The following MRPS28 variants were observed in gnomAD, a reference collection of about 807,000 sequenced individuals.
The protein encoded by MRPS28 is small ribosomal subunit protein bS1m.
In MRPS28, 7 loss-of-function variants were observed where a neutral mutation model predicts 10.8. The ratio of observed to expected loss-of-function variants is 0.65; its 90% CI spans 0.37 to 1.22. The LOEUF is 1.22. Ranked by LOEUF, MRPS28 falls within the 50% of genes most tolerant of loss-of-function variation. The pLI, the probability that MRPS28 is intolerant of heterozygous loss-of-function variation, is 0.02. For synonymous variants in MRPS28, 121 were observed against 93.3 expected (o/e 1.30, Z -1.71); for missense variants, 265 against 232.9 (o/e 1.14, Z -0.90).
At position 80,014,830 on chromosome 8, in the gene MRPS28, C is replaced by T. The variant is rs189587916; in HGVS notation, c.214-11650G>A. ...GATTTCCCCCCTGCCACCCCCACTCCAGGGGACATTTGGCAATGTCTGGAG... is the reference window on the plus strand; with the variant it reads ...GATTTCCCCCCTGCCACCCCCACTCTAGGGGACATTTGGCAATGTCTGGAG... On this transcript the variant is annotated intron_variant, in intron 1 of 2. Transcript: ENST00000276585. Among the ~76,000 whole-genome samples, 15 of 152,188 alleles carry T rather than the reference C, an allele frequency of 9.9e-5. No individual in the cohort carries two copies. The East Asian group carries it at 2.9e-3, about 29-fold the overall frequency.
intron 2 of MRPS28, among the ~76,000 whole-genome samples, chr8:79,919,521 G>T (rs1241319604): frequency 1.3e-5 from 2 of 152,068 alleles, no homozygotes; most frequent in African/African-American, 2.4e-5. Context: ...CAGAGTCAGG[G>T]TCTCTCTATG....
intron 2 of MRPS28, among the ~76,000 whole-genome samples, chr8:79,939,529 T>C (rs1425346629): frequency 1.3e-5 from 2 of 152,182 alleles, no homozygotes; most frequent in African/African-American, 2.4e-5. Context: ...AATACAGAAA[T>C]TTCTTTTAAA....
At chr8:80,016,424 A>T (rs1488666287) in intron 1 of MRPS28, among the ~76,000 whole-genome samples, 1 of 152,080 alleles carries the variant, frequency 6.6e-6, no homozygotes, top group Non-Finnish European at 1.5e-5. Flanking sequence ...AAAAAAAAAA[A>T]ATACTAACCT....
At chr8:79,987,498 A>C (rs1216708658) in intron 2 of MRPS28, among the ~76,000 whole-genome samples, 1 of 152,136 alleles carries the variant, frequency 6.6e-6, no homozygotes, top group African/African-American at 2.4e-5. Context: ...CAACCTACAG[A>C]ATGGGAGAAA....
chr8:79,976,176 C>T (rs892737959), intron 2 of MRPS28, among the ~76,000 whole-genome samples: 45 of 151,902 alleles, frequency 3.0e-4, no homozygotes, highest in African/African-American at 9.9e-4. Context: ...CTCTGCCTCC[C>T]GGGTTCAAGC....
chr8:79,971,039 G>C (rs1807618851), intron 2 of MRPS28, among the ~76,000 whole-genome samples: 1 of 152,210 alleles, frequency 6.6e-6, no homozygotes, highest in Admixed American at 6.5e-5. Flanking sequence ...CGAGAAGGGA[G>C]AGGAGGACAG....
chr8:79,979,174 G>T (rs907924311), intron 2 of MRPS28, among the ~76,000 whole-genome samples: 25 of 152,086 alleles, frequency 1.6e-4, no homozygotes, highest in Non-Finnish European at 2.9e-4. Flanking sequence ...TTATAATACG[G>T]GAGCCTTTAT....
chr8:79,922,288 A>G (rs1810115427), intron 2 of MRPS28, among the ~76,000 whole-genome samples: 1 of 152,154 alleles, frequency 6.6e-6, no homozygotes, highest in Non-Finnish European at 1.5e-5. Context: ...AAATCTAAAA[A>G]AGTTGAACAC....
At chr8:79,988,276 G>A (rs999220781) in intron 2 of MRPS28, among the ~76,000 whole-genome samples, 2 of 108,084 alleles carry the variant, frequency 1.9e-5, no homozygotes, top group African/African-American at 7.0e-5. Flanking sequence ...CTATCGTGGG[G>A]TGGGGGGAGG....
rs1395396165 is a variant in MRPS28 at position 79,929,459 on chromosome 8, CTG to C, written c.396-10313_396-10312del. Reference sequence around the variant, plus strand: ...TCAAGAAGAGGACGCTGAAAGAATACTGTATTATGTTGAATGAGGAATTGAAG... The same window carrying C: ...TCAAGAAGAGGACGCTGAAAGAATACTATTATGTTGAATGAGGAATTGAAG... On this transcript the variant is annotated intron_variant, in intron 2 of 2. Transcript: ENST00000276585. Among the ~76,000 whole-genome samples the C allele has an allele frequency of 1.4e-4, 21 of 152,070 alleles. No individual in the cohort carries two copies. The South Asian group carries it at 3.5e-3, about 26-fold the overall frequency.
At chr8:79,923,438 T>C (rs1810145870) in intron 2 of MRPS28, among the ~76,000 whole-genome samples, 1 of 152,198 alleles carries the variant, frequency 6.6e-6, no homozygotes, top group Non-Finnish European at 1.5e-5. Flanking sequence ...TTGCTGCTAT[T>C]CAACTCATTA....
intron 2 of MRPS28, among the ~76,000 whole-genome samples, chr8:79,929,425 C>A (rs763323399): frequency 5.9e-5 from 9 of 152,022 alleles, no homozygotes; most frequent in Non-Finnish European, 1.0e-4. Context: ...CATTGATAAT[C>A]GGAACCTATC....
chr8:79,932,841 G>A (rs1189152078), intron 2 of MRPS28, among the ~76,000 whole-genome samples: 1 of 152,192 alleles, frequency 6.6e-6, no homozygotes, highest in Non-Finnish European at 1.5e-5. Flanking sequence ...AATTCACTCA[G>A]GACCATGGTA....
At chr8:79,994,992 C>T (rs368476790) in intron 2 of MRPS28, among the ~76,000 whole-genome samples, 3 of 152,138 alleles carry the variant, frequency 2.0e-5, no homozygotes, top group Non-Finnish European at 2.9e-5. Flanking sequence ...CAACCCAGTT[C>T]TATTGTTAGT....
chr8:79,979,714 T>G (rs1418932346), intron 2 of MRPS28, among the ~76,000 whole-genome samples: 1 of 151,662 alleles, frequency 6.6e-6, no homozygotes, highest in Non-Finnish European at 1.5e-5. Context: ...ACTACCCTTA[T>G]GAAAACTACC....
intron 2 of MRPS28, among the ~76,000 whole-genome samples, chr8:79,978,604 C>A (rs183532709): frequency 3.2e-4 from 49 of 152,170 alleles, no homozygotes; most frequent in African/African-American, 1.2e-3. Flanking sequence ...TGAAAAAAGA[C>A]AGGATATAAG....
chr8:79,980,586 A>C (rs1004014964), intron 2 of MRPS28, among the ~76,000 whole-genome samples: 3 of 152,220 alleles, frequency 2.0e-5, no homozygotes, highest in African/African-American at 7.2e-5. Flanking sequence ...CAGCCTCTTC[A>C]CTGGAGGTTA....
At chr8:80,002,141 G>A (rs1274316450) in intron 2 of MRPS28, among the ~76,000 whole-genome samples, 3 of 151,986 alleles carry the variant, frequency 2.0e-5, no homozygotes, top group Non-Finnish European at 2.9e-5. Flanking sequence ...GAGGCAACTC[G>A]TTCTCATAAT....
chr8:79,990,461 T>A (rs2130118621), intron 2 of MRPS28, among the ~76,000 whole-genome samples: 1 of 152,202 alleles, frequency 6.6e-6, no homozygotes, highest in East Asian at 1.9e-4. Context: ...ACTACTAATG[T>A]CAGCATACAA....
Sources: gnomAD v4.1 joint callset for allele counts (sites outside exome capture counted in the v4.1 genomes callset) on GRCh38, gnomAD v4.1.1 for gene constraint, MANE v1.5 for transcripts, NCBI Gene and HGNC (gene_info 2026-07-23, HGNC 2026-07-21) for gene names.